Variants in TMEM65 observed in about 807,000 individuals in gnomAD.
The protein encoded by TMEM65 is transmembrane protein 65.
A neutral mutation model predicts 25.4 loss-of-function variants in TMEM65; 22 were observed. The observed-to-expected ratio is 0.86, with a 90% CI of 0.62 to 1.23. The LOEUF is 1.23. TMEM65 is among the 50% of genes most tolerant of loss of function. TMEM65 has a pLI of 0.00. For synonymous variants in TMEM65, 132 were observed against 126.2 expected, an observed-to-expected ratio of 1.05 and a Z score of -0.31; for missense variants, 262 against 308.2, an observed-to-expected ratio of 0.85 and a Z score of 1.12.
Position 124,309,847 on chromosome 8 carries a change from C to CTAAA in TMEM65, c.*4112_*4113insTTTA, listed in dbSNP as rs1469696060. On this transcript the variant is annotated 3_prime_UTR_variant, in exon 7 of 7. Coordinates refer to ENST00000297632, the MANE Select transcript of TMEM65 (RefSeq NM_194291.3). ...AGGTGGACCACCTGAGGTCAGGAGT[C>CTAAA]TGAGGCCAGCCTGGCCAACATGGTG... is the stretch of plus-strand genomic sequence containing the variant. 1 of 152,168 alleles carries CTAAA rather than the reference C, an allele frequency of 6.6e-6. No homozygotes were observed. The highest frequency in any genetic ancestry group is 2.4e-5 in the African/African-American group (1 of 41,426). The allele number at this position is 152,168 out of a possible 1,614,324, so 9.4% of individuals were successfully genotyped here.
intron 3 of TMEM65, among the ~76,000 whole-genome samples, chr8:124,324,948 A>G (rs1371371748): frequency 6.6e-6 from 1 of 152,078 alleles, no homozygotes; most frequent in Non-Finnish European, 1.5e-5. Flanking sequence ...ATTCTATCCA[A>G]TTAAACTGTA....
chr8:124,326,202 C>A lies in TMEM65; in HGVS notation c.417+1152G>T, dbSNP rs77653144. 8.2e-3 allele frequency among the ~76,000 whole-genome samples: 1,252 copies of A among 152,166 alleles called. 8 individuals are homozygous for A. The highest frequency in any genetic ancestry group is 0.013 in the Admixed American group (204 of 15,260). Reference sequence around the variant, plus strand: ...TAAATAAAGACCCCACCTGGGAACTCATAAACTGGTATTCAAAGTATATGA... The same window carrying A: ...TAAATAAAGACCCCACCTGGGAACTAATAAACTGGTATTCAAAGTATATGA... On this transcript the variant is annotated intron_variant, in intron 3 of 6. Coordinates refer to ENST00000297632, the MANE Select transcript of TMEM65 (RefSeq NM_194291.3).
chr8:124,325,671 G>C (rs1586458684), intron 3 of TMEM65, among the ~76,000 whole-genome samples: 1 of 152,046 alleles, frequency 6.6e-6, no homozygotes, highest in East Asian at 1.9e-4. Flanking sequence ...CTCAGGCCTG[G>C]AAAAATAGTG....
chr8:124,319,482 T>C (rs1028851538), intron 6 of TMEM65, among the ~76,000 whole-genome samples: 10 of 152,174 alleles, frequency 6.6e-5, no homozygotes, highest in African/African-American at 1.9e-4. Flanking sequence ...ACAGCTACTA[T>C]ATATTATATT....
intron 2 of TMEM65, 111 bp from the exon 3 acceptor site, chr8:124,327,532 T>C: frequency 1.5e-6 from 1 of 666,320 alleles, no homozygotes; most frequent in East Asian, 3.3e-5. Flanking sequence ...ATCTCTAGAA[T>C]TTGATTCTCA....
At chr8:124,316,742 A>G (rs1244940922) in intron 6 of TMEM65, among the ~76,000 whole-genome samples, 1 of 152,202 alleles carries the variant, frequency 6.6e-6, no homozygotes, top group Non-Finnish European at 1.5e-5. Context: ...TCCCAACTTT[A>G]ATGCTAAAAT....
intron 1 of TMEM65, among the ~76,000 whole-genome samples, chr8:124,359,634 C>A (rs897297128): frequency 6.6e-6 from 1 of 151,706 alleles, no homozygotes; most frequent in Non-Finnish European, 1.5e-5. Flanking sequence ...CCCAGCTACT[C>A]AAAAGGCTGA....
chr8:124,366,883 G>C (rs1021581618), intron 1 of TMEM65, among the ~76,000 whole-genome samples: 2 of 152,086 alleles, frequency 1.3e-5, no homozygotes. Context: ...ATAACTGATT[G>C]TAGCAAAGCT....
At position 124,371,924 on chromosome 8, in the gene TMEM65, G is replaced by C; in HGVS notation, c.234C>G (p.Ser78Arg). 1 of 1,535,466 alleles carries C rather than the reference G, an allele frequency of 6.5e-7. No homozygotes were observed. Among genetic ancestry groups the C allele is most frequent in the Non-Finnish European group, 8.7e-7 (1 of 1,145,188 alleles). The change falls in exon 1 of 7, where the codon AGC (serine) becomes AGG (arginine). Residue 78 changes from serine (S) to arginine (R), a missense_variant. Physicochemically the swap from Ser to Arg is moderately radical, Grantham distance 110. Coordinates refer to ENST00000297632, the MANE Select transcript of TMEM65 (RefSeq NM_194291.3). ...TAQGARDFIY[S>R]LHSTERSCLL... ...GGCAGCTCCTCTCCGTGGAGTGCAG[G>C]CTGTAGATGAAGTCGCGCGCGCCCT...
intron 2 of TMEM65, 49 bp from the exon 3 acceptor site, chr8:124,327,470 T>C (rs372469305): frequency 1.6e-5 from 20 of 1,247,122 alleles, no homozygotes; most frequent in Non-Finnish European, 2.3e-5. Context: ...TTCTATAACT[T>C]AGAATGACAA....
chr8:124,366,608 G>A (rs935215800), intron 1 of TMEM65, among the ~76,000 whole-genome samples: 2 of 151,296 alleles, frequency 1.3e-5, no homozygotes, highest in African/African-American at 4.9e-5. Flanking sequence ...ACAAAATCAT[G>A]AGCTATGATA....
chr8:124,320,521 T>C (rs1814291433), intron 5 of TMEM65, among the ~76,000 whole-genome samples: 1 of 152,188 alleles, frequency 6.6e-6, no homozygotes, highest in Non-Finnish European at 1.5e-5. Flanking sequence ...CAATTCAAGG[T>C]ATGTAACAAT....
intron 1 of TMEM65, among the ~76,000 whole-genome samples, chr8:124,341,995 C>CT (rs1362619216): frequency 6.6e-6 from 1 of 151,906 alleles, no homozygotes; most frequent in African/African-American, 2.4e-5. Context: ...TAATGCTAAA[C>CT]TTTGAGTTTC....
intron 1 of TMEM65, among the ~76,000 whole-genome samples, chr8:124,335,225 GAAAA>G (rs1563593352): frequency 2.0e-5 from 3 of 152,098 alleles, no homozygotes; most frequent in Non-Finnish European, 4.4e-5. Flanking sequence ...TATGCAGAAA[GAAAA>G]TGGGCGTCAG....
intron 1 of TMEM65, among the ~76,000 whole-genome samples, chr8:124,352,113 T>A (rs1192564425): frequency 2.0e-5 from 3 of 152,214 alleles, no homozygotes; most frequent in Non-Finnish European, 2.9e-5. Flanking sequence ...ATGATTACGA[T>A]GTACATATGT....
At chr8:124,349,575 C>G (rs1435782323) in intron 1 of TMEM65, among the ~76,000 whole-genome samples, 1 of 152,076 alleles carries the variant, frequency 6.6e-6, no homozygotes, top group African/African-American at 2.4e-5. Flanking sequence ...ACTAAAAACC[C>G]AAAAGACCTA....
chr8:124,332,171 G>A (rs2131205221), intron 1 of TMEM65, among the ~76,000 whole-genome samples: 1 of 152,212 alleles, frequency 6.6e-6, no homozygotes, highest in East Asian at 1.9e-4. Context: ...AAGCATCCAA[G>A]TGGTTTGCCA....
At chr8:124,349,753 T>C (rs1814682669) in intron 1 of TMEM65, among the ~76,000 whole-genome samples, 1 of 152,156 alleles carries the variant, frequency 6.6e-6, no homozygotes, top group Non-Finnish European at 1.5e-5. Flanking sequence ...TAAGTAGGGA[T>C]ATAACCAAAC....
At chr8:124,356,906 C>T (rs1814789392) in intron 1 of TMEM65, among the ~76,000 whole-genome samples, 12 of 152,072 alleles carry the variant, frequency 7.9e-5, no homozygotes, top group Admixed American at 7.9e-4. Context: ...CGGGGTTTTA[C>T]CATGTTGTCC....
Sources: gnomAD v4.1 joint callset for allele counts (sites outside exome capture counted in the v4.1 genomes callset) on GRCh38, gnomAD v4.1.1 for gene constraint, MANE v1.5 for transcripts, NCBI Gene and HGNC (gene_info 2026-07-23, HGNC 2026-07-21) for gene names.